Variants in ROCK2 observed in about 807,000 individuals in gnomAD.
ROCK2 encodes rho-associated protein kinase 2.
Under a neutral mutation model 195.1 loss-of-function variants are expected in ROCK2, and 61 were observed. That is an observed-to-expected ratio of 0.31 (90% CI 0.25 to 0.39). The LOEUF is 0.39. Among genes scored for constraint, ROCK2 ranks in the 10% least tolerant of loss-of-function variants. The pLI, the probability that ROCK2 is intolerant of heterozygous loss-of-function variation, is 1.00. For synonymous variants in ROCK2, 504 were observed against 545.5 expected, an observed-to-expected ratio of 0.92 and a Z score of 1.06; for missense variants, 1,109 against 1,637.4, an observed-to-expected ratio of 0.68 and a Z score of 5.57.
rs372016529 is a variant in ROCK2, at chr2:11,197,731, A to G, written c.3100-26T>C. 4 of 1,419,976 alleles carry G rather than the reference A, an allele frequency of 2.8e-6. No individual in the cohort carries two copies. The highest frequency in any genetic ancestry group is 4.8e-5 in the Admixed American group (2 of 41,962). 88.0% of individuals were successfully genotyped at this position (1,419,976 alleles called of 1,614,324 possible). ...CTTAAAAAATGTAAAAATAAATATA[A>G]TACATAAATAAAATAAATTACGTTT... On this transcript the variant is annotated intron_variant, in intron 25 of 32. Coordinates refer to ENST00000315872, the MANE Select transcript of ROCK2 (RefSeq NM_004850.5). This position sits in a 1 kb window ranked among gnomAD's most constrained non-coding sequence, Gnocchi z 4.9.
chr2:11,209,934 C>T lies in ROCK2; in HGVS notation c.2204-1487G>A, dbSNP rs971914117. On this transcript the variant is annotated intron_variant, in intron 18 of 32. Coordinates refer to ENST00000315872, the MANE Select transcript of ROCK2 (RefSeq NM_004850.5). Reference sequence around the variant, plus strand: ...TGATTTTCACAACAACGTAACAATACTGTAATTGTCCCTTCACAGGAAACA... The same window carrying T: ...TGATTTTCACAACAACGTAACAATATTGTAATTGTCCCTTCACAGGAAACA... Among the ~76,000 whole-genome samples the T allele has an allele frequency of 2.0e-5, 3 of 152,300 alleles. No individual in the cohort carries two copies. The East Asian group carries it at 5.8e-4, about 29-fold the overall frequency.
In ROCK2 at chr2:11,180,732, T is replaced by G. The variant is rs1662949202; in HGVS notation, c.*2705A>C. ...TTAGTCTTATATTTATCTTGGAAGC[T>G]TCAGGGCCTCAAGAAAAACGAGAAA... On this transcript the variant is annotated 3_prime_UTR_variant, in exon 33 of 33. Coordinates refer to ENST00000315872, the MANE Select transcript of ROCK2 (RefSeq NM_004850.5). 1 of 152,210 alleles carries G rather than the reference T, an allele frequency of 6.6e-6. No individual in the cohort carries two copies. Among genetic ancestry groups the G allele is most frequent in the African/African-American group, 2.4e-5 (1 of 41,444 alleles). The allele number at this position is 152,210 out of a possible 1,614,324, so 9.4% of individuals were successfully genotyped here.
At chr2:11,300,442 T>C (rs777396626) in intron 1 of ROCK2, among the ~76,000 whole-genome samples, 33 of 152,282 alleles carry the variant, frequency 2.2e-4, no homozygotes, top group Admixed American at 8.5e-4. Flanking sequence ...TTTTGTACTT[T>C]TAGTAGAGAT....
chr2:11,193,997 T>A lies in ROCK2; in HGVS notation c.3609-140A>T, dbSNP rs1663532382. 6.7e-6 allele frequency: 3 copies of A among 450,418 alleles called. No individual in the cohort carries two copies. In the South Asian group the frequency reaches 1.9e-4, roughly 29 times the overall value. 27.9% of individuals were successfully genotyped at this position (450,418 alleles called of 1,614,324 possible). A position where few individuals can be genotyped will look rare whatever the true frequency, so the allele number is the denominator to read the frequency against. On this transcript the variant is annotated intron_variant, in intron 29 of 32. Transcript: ENST00000315872. ...ACTCAGAATATTTTGTTCTATTAAT[T>A]CTATAATTAATTAAGATTTTTAGAA...
At chr2:11,334,066 T>C (rs977018244) in intron 1 of ROCK2, among the ~76,000 whole-genome samples, 8 of 152,248 alleles carry the variant, frequency 5.3e-5, no homozygotes, top group African/African-American at 1.7e-4. Flanking sequence ...TCTAAACCCA[T>C]CCTCCCTGCA....
chr2:11,244,404 T>C lies in ROCK2; in HGVS notation c.462+5257A>G, dbSNP rs552813287. Reference sequence around the variant, plus strand: ...GGGTGAACTGTACATGGGGATTCAATATACTTTTTTCTTCTACTTTGGGAT... The same window carrying C: ...GGGTGAACTGTACATGGGGATTCAACATACTTTTTTCTTCTACTTTGGGAT... On this transcript the variant is annotated intron_variant, in intron 4 of 32. Coordinates refer to ENST00000315872, the MANE Select transcript of ROCK2 (RefSeq NM_004850.5). Among the ~76,000 whole-genome samples, 4 of 152,306 alleles carry C rather than the reference T, an allele frequency of 2.6e-5. No individual in the cohort carries two copies. The East Asian group carries it at 5.8e-4, about 22-fold the overall frequency.
At chr2:11,230,474 A>G (rs1437445781) in intron 5 of ROCK2, among the ~76,000 whole-genome samples, 2 of 152,134 alleles carry the variant, frequency 1.3e-5, no homozygotes, top group African/African-American at 2.4e-5. Context: ...TACAGAAAGA[A>G]CTACATGTAA....
intron 3 of ROCK2, among the ~76,000 whole-genome samples, chr2:11,251,024 T>C (rs1665811849): frequency 6.6e-6 from 1 of 152,212 alleles, no homozygotes; most frequent in Admixed American, 6.5e-5. Context: ...ACCTTCTCAA[T>C]GAGGTCTACT....
rs187305670 is a variant in ROCK2 at position 11,261,968 on chromosome 2, G to T, written c.325-12170C>A. ...ATCTACATCATATCATAGAGTTATT[G>T]CATAGATAAAATGAGATAATGGCTA... is the stretch of plus-strand genomic sequence containing the variant. On this transcript the variant is annotated intron_variant, in intron 3 of 32. Coordinates refer to ENST00000315872, the MANE Select transcript of ROCK2 (RefSeq NM_004850.5). Among the ~76,000 whole-genome samples, 30 of 152,256 alleles carry T rather than the reference G, an allele frequency of 2.0e-4. No homozygotes were observed. In the East Asian group the frequency reaches 5.8e-3, roughly 29 times the overall value.
intron 1 of ROCK2, among the ~76,000 whole-genome samples, chr2:11,296,330 T>G (rs957612838): frequency 6.6e-6 from 1 of 152,202 alleles, no homozygotes; most frequent in African/African-American, 2.4e-5. Context: ...GTTTTGTTTA[T>G]TAGAAGGTAA....
intron 3 of ROCK2, among the ~76,000 whole-genome samples, chr2:11,277,687 T>G (rs1572350417): frequency 1.3e-5 from 2 of 152,238 alleles, no homozygotes. Flanking sequence ...TGAGTAGTAT[T>G]CCATCATATA....
At chr2:11,186,629 G>A (rs6753921) in intron 32 of ROCK2, among the ~76,000 whole-genome samples, 61,614 of 151,918 alleles carry the variant, frequency 0.41, 13,723 homozygotes, top group Admixed American at 0.52. Context: ...CAAAACTCCT[G>A]AGCACAGTGT....
intron 4 of ROCK2, among the ~76,000 whole-genome samples, chr2:11,239,874 C>T (rs1000158226): frequency 6.6e-6 from 1 of 152,202 alleles, no homozygotes; most frequent in African/African-American, 2.4e-5. Context: ...CCACAACCTC[C>T]TCAGGCTTAA....
At chr2:11,224,515 T>C in intron 6 of ROCK2, 55 bp from the exon 7 acceptor site, 1 of 1,485,894 alleles carries the variant, frequency 6.7e-7, no homozygotes, top group Non-Finnish European at 9.3e-7. Context: ...AAGGAAACAC[T>C]TTTCACCTAG....
chr2:11,212,265 C>T (rs1445171947), intron 17 of ROCK2, among the ~76,000 whole-genome samples: 1 of 151,998 alleles, frequency 6.6e-6, no homozygotes, highest in Non-Finnish European at 1.5e-5. Context: ...TATTTCCCCT[C>T]CCGTCTTCAC....
chr2:11,296,019 A>AGAGAGAGAGG (rs1667522407), intron 1 of ROCK2, among the ~76,000 whole-genome samples: 1 of 109,904 alleles, frequency 9.1e-6, no homozygotes, highest in African/African-American at 2.9e-5. Flanking sequence ...AGAGAGAGAG[A>AGAGAGAGAGG]GAGAGAGAGA....
At chr2:11,232,963 C>T (rs1665072112) in intron 5 of ROCK2, among the ~76,000 whole-genome samples, 1 of 152,164 alleles carries the variant, frequency 6.6e-6, no homozygotes, top group Non-Finnish European at 1.5e-5. Context: ...CCTGTAATCC[C>T]AGCATTTTAG....
At chr2:11,253,374 C>G (rs982658232) in intron 3 of ROCK2, among the ~76,000 whole-genome samples, 10 of 152,084 alleles carry the variant, frequency 6.6e-5, no homozygotes, top group African/African-American at 2.4e-4. Context: ...ATTTAAAAAC[C>G]CATCATAGTA....
chr2:11,286,580 C>T lies in ROCK2; in HGVS notation c.283G>A (p.Val95Ile), dbSNP rs1189154739. ...LQMKAEDYDVVKVIGRGAFGE... is the reference protein window; with the variant it reads ...LQMKAEDYDVIKVIGRGAFGE... Reference sequence around the variant, plus strand: ...AAAGCACCTCTTCCAATAACTTTTACAACATCATAGTCTTCTGCCTTCATC... The same window carrying T: ...AAAGCACCTCTTCCAATAACTTTTATAACATCATAGTCTTCTGCCTTCATC... Residue 95 changes from valine (V) to isoleucine (I), a missense_variant, in exon 3 of 33, where the codon GTA (valine) becomes ATA (isoleucine). By Grantham distance (29) the Val-to-Ile change is conservative. Coordinates refer to ENST00000315872, the MANE Select transcript of ROCK2 (RefSeq NM_004850.5). The T allele has an allele frequency of 5.0e-6, 8 of 1,612,612 alleles. No individual in the cohort carries two copies. The highest frequency in any genetic ancestry group is 5.9e-6 in the Non-Finnish European group (7 of 1,179,044).
Sources: allele counts gnomAD v4.1 joint callset (sites outside exome capture counted in the v4.1 genomes callset), GRCh38; gene constraint gnomAD v4.1.1; non-coding constraint Gnocchi (gnomAD v3.1); transcripts MANE v1.5; gene names NCBI Gene and HGNC (gene_info 2026-07-23, HGNC 2026-07-21).